Variants in IL17D observed in about 807,000 individuals in gnomAD.
The protein encoded by IL17D is interleukin 17D, also known as interleukin-17D.
A neutral mutation model predicts 5.7 loss-of-function variants in IL17D; 10 were observed. The observed-to-expected ratio is 1.75, with a 90% CI of 1.08 to 2.97. The LOEUF is 2.97. Among genes scored for constraint, IL17D ranks in the 30% most tolerant of loss-of-function variants. The pLI, the probability that IL17D is intolerant of heterozygous loss-of-function variation, is 0.00. For missense variants in IL17D, 354 were observed against 292.7 expected (o/e 1.21, Z -1.53); for synonymous variants, 172 against 141.7 (o/e 1.21, Z -1.52).
At chr13:20,714,386 G>A (rs759882938) in intron 1 of IL17D, among the ~76,000 whole-genome samples, 8 of 152,192 alleles carry the variant, frequency 5.3e-5, no homozygotes, top group Non-Finnish European at 1.0e-4. Flanking sequence ...TGTTATTACC[G>A]TGAGGCTTAG....
At chr13:20,712,025 G>A (rs939985634) in intron 1 of IL17D, among the ~76,000 whole-genome samples, 124 of 152,172 alleles carry the variant, frequency 8.1e-4, no homozygotes, top group African/African-American at 2.9e-3. Flanking sequence ...TCCCATGTGG[G>A]CTGTCCATTA....
At chr13:20,718,599 C>T (rs145039889) in intron 1 of IL17D, among the ~76,000 whole-genome samples, 1,771 of 137,854 alleles carry the variant, frequency 0.013, 32 homozygotes, top group Middle Eastern at 0.038. Context: ...ACACACCTGC[C>T]CACACTCAGA....
rs2058680893 is a variant in IL17D, at chr13:20,716,629, C to T, written c.291-5007C>T. On this transcript the variant is annotated intron_variant, in intron 1 of 1. Transcript: ENST00000682841. The surrounding 1 kb of genome is among the most constrained non-coding windows in gnomAD (Gnocchi z 4.2). ...CTAAGTTGGGCTACAGTTTTAGGTC[C>T]CAGACTCTTAATGGCTGCATCCTCC... Among the ~76,000 whole-genome samples, 1 of 152,110 alleles carries T rather than the reference C, an allele frequency of 6.6e-6. No individual in the cohort carries two copies. Among genetic ancestry groups the T allele is most frequent in the Non-Finnish European group, 1.5e-5 (1 of 68,030 alleles).
At position 20,721,852 on chromosome 13, in the gene IL17D, C is replaced by T. The variant is rs760933997; in HGVS notation, c.507C>T (p.Cys169=). The T allele has an allele frequency of 2.3e-5, 37 of 1,610,406 alleles. No individual in the cohort carries two copies. The South Asian group carries it at 3.4e-4, about 15-fold the overall frequency. ...AYVTIPVGCT[C]VPEPEKDADS... ...TCACCATCCCCGTGGGCTGCACCTG[C>T]GTCCCCGAGCCGGAGAAGGACGCAG... Residue 169 remains cysteine (C), a synonymous_variant, in exon 2 of 2, where the codon TGC becomes TGT. Transcript: ENST00000682841.
At chr13:20,714,790 C>G (rs570501590) in intron 1 of IL17D, among the ~76,000 whole-genome samples, 1 of 152,242 alleles carries the variant, frequency 6.6e-6, no homozygotes, top group South Asian at 2.1e-4. Context: ...CTTGTGGGGG[C>G]CAGAAAAGCA....
intron 1 of IL17D, among the ~76,000 whole-genome samples, chr13:20,709,571 A>T (rs1007022533): frequency 6.6e-6 from 1 of 152,196 alleles, no homozygotes; most frequent in Non-Finnish European, 1.5e-5. Context: ...TGTACATATG[A>T]CACATTCTGT....
In IL17D at chr13:20,720,071, C is replaced by T. The variant is rs1409551545; in HGVS notation, c.291-1565C>T. 2.6e-5 allele frequency among the ~76,000 whole-genome samples: 4 copies of T among 152,166 alleles called. No homozygotes were observed. The East Asian group carries it at 5.8e-4, about 22-fold the overall frequency. ...TGTCATTTCTCTCTATTTCTGGTAGCCTGGCTCCATCAGGTTCAAGTTCAG... is the reference window on the plus strand; with the variant it reads ...TGTCATTTCTCTCTATTTCTGGTAGTCTGGCTCCATCAGGTTCAAGTTCAG... On this transcript the variant is annotated intron_variant, in intron 1 of 1. Transcript: ENST00000682841.
chr13:20,707,442 A>C (rs1333289954), intron 1 of IL17D, among the ~76,000 whole-genome samples: 2 of 20,856 alleles, frequency 9.6e-5, no homozygotes, highest in Non-Finnish European at 4.1e-4. Flanking sequence ...ACTTGTCTCA[A>C]AAAAAAAAAA....
At chr13:20,719,962 C>T (rs2058718103) in intron 1 of IL17D, among the ~76,000 whole-genome samples, 1 of 152,106 alleles carries the variant, frequency 6.6e-6, no homozygotes, top group Admixed American at 6.5e-5. Flanking sequence ...CGTGTAGGTT[C>T]CCTCCCTCTT....
rs764783209 is a variant in IL17D at position 20,721,656 on chromosome 13, G to A, written c.311G>A (p.Arg104Lys). The change falls in exon 2 of 2, where the codon AGG becomes AAG. Residue 104 changes from arginine (R) to lysine (K), a missense_variant. Physicochemically the swap from Arg to Lys is conservative, Grantham distance 26 (BLOSUM62 2). Coordinates refer to ENST00000682841, the MANE Select transcript of IL17D (RefSeq NM_001385224.1). ...TGCAGAATCTCCTACGACCCGGCGAGGTACCCCAGGTACCTGCCTGAAGCC... is the reference window on the plus strand; with the variant it reads ...TGCAGAATCTCCTACGACCCGGCGAAGTACCCCAGGTACCTGCCTGAAGCC... ...WAYRISYDPARYPRYLPEAYC... is the reference protein window; with the variant it reads ...WAYRISYDPAKYPRYLPEAYC... 3.1e-6 allele frequency: 5 copies of A among 1,602,930 alleles called. No homozygotes were observed. Among genetic ancestry groups the A allele is most frequent in the Non-Finnish European group, 4.3e-6 (5 of 1,173,146 alleles).
At chr13:20,703,155 G>A (rs2058557679), upstream of IL17D, 3 of 375,780 alleles carry the variant, frequency 8.0e-6, no homozygotes, top group Non-Finnish European at 1.1e-5. Flanking sequence ...GCGCAGCACA[G>A]GCCCTGAGCG....
In IL17D at chr13:20,704,303, G is replaced by A. The variant is rs1448217096; in HGVS notation, c.290+12G>A. 12 of 1,201,622 alleles carry A rather than the reference G, an allele frequency of 1.0e-5. No individual in the cohort carries two copies. Among genetic ancestry groups the A allele is most frequent in the Middle Eastern group, 3.3e-4 (1 of 2,998 alleles). 74.4% of individuals were successfully genotyped at this position (1,201,622 alleles called of 1,614,324 possible). ...CCCTGGGCCTACAGGTGAGCCGCGG[G>A]CGCGTCCTGGCGGGGCCCGGCAGGT... On this transcript the variant is annotated intron_variant, in intron 1 of 1. Coordinates refer to ENST00000682841, the MANE Select transcript of IL17D (RefSeq NM_001385224.1).
chr13:20,714,654 G>T (rs1262773261), intron 1 of IL17D, among the ~76,000 whole-genome samples: 2 of 152,212 alleles, frequency 1.3e-5, no homozygotes, highest in African/African-American at 4.8e-5. Context: ...GACAGGGCAG[G>T]ACTGACCGCT....
intron 1 of IL17D, among the ~76,000 whole-genome samples, chr13:20,710,710 A>T (rs1383234076): frequency 6.7e-6 from 1 of 149,786 alleles, no homozygotes; most frequent in Non-Finnish European, 1.5e-5. Flanking sequence ...TTAACAGCTT[A>T]TGTTTTCCAA....
At position 20,721,549 on chromosome 13, in the gene IL17D, C is replaced by T. The variant is rs1045888118; in HGVS notation, c.291-87C>T. The T allele has an allele frequency of 3.5e-6, 4 of 1,141,430 alleles. No homozygotes were observed. In the African/African-American group the frequency reaches 4.7e-5, roughly 13 times the overall value. The allele number at this position is 1,141,430 out of a possible 1,614,324, so 70.7% of individuals were successfully genotyped here. On this transcript the variant is annotated intron_variant, in intron 1 of 1. Coordinates refer to ENST00000682841, the MANE Select transcript of IL17D (RefSeq NM_001385224.1). ...GCGGAGGACAGGACAGTCCCCGAGGCCCTCCCCGGTGACTCTAACCAGGGA... is the reference window on the plus strand; with the variant it reads ...GCGGAGGACAGGACAGTCCCCGAGGTCCTCCCCGGTGACTCTAACCAGGGA...
At chr13:20,701,654 G>A (rs1004400354), upstream of IL17D, 9 of 152,134 alleles carry the variant, frequency 5.9e-5, no homozygotes, top group African/African-American at 2.2e-4. Flanking sequence ...GCCTGCTTTT[G>A]AGTATGTTGT....
intron 1 of IL17D, among the ~76,000 whole-genome samples, chr13:20,718,721 TACAC>T (rs1442127783): frequency 7.3e-4 from 30 of 41,364 alleles, no homozygotes; most frequent in African/African-American, 9.8e-4. Flanking sequence ...CCTGCCCACT[TACAC>T]ACATGGCTAC....
chr13:20,704,945 C>T (rs989779362), intron 1 of IL17D, among the ~76,000 whole-genome samples: 1 of 152,182 alleles, frequency 6.6e-6, no homozygotes, highest in Non-Finnish European at 1.5e-5. Flanking sequence ...AGAAACCACA[C>T]CATCAGGCAG....
upstream of IL17D, chr13:20,703,500 G>C (rs935146305): frequency 8.9e-6 from 8 of 901,728 alleles, no homozygotes; most frequent in Admixed American, 1.2e-4. Context: ...CGGACCCTGC[G>C]CGGGCTGGCT....
Sources: gnomAD v4.1 joint callset for allele counts (sites outside exome capture counted in the v4.1 genomes callset) on GRCh38, gnomAD v4.1.1 for gene constraint, Gnocchi (gnomAD v3.1) non-coding constraint, MANE v1.5 for transcripts, NCBI Gene and HGNC (gene_info 2026-07-23, HGNC 2026-07-21) for gene names.